The following ERCC6L2 variants were observed in gnomAD, a reference collection of about 807,000 sequenced individuals.
The protein encoded by ERCC6L2 is DNA excision repair protein ERCC-6-like 2.
Under a neutral mutation model 132.0 loss-of-function variants are expected in ERCC6L2, and 77 were observed. The ratio of observed to expected loss-of-function variants is 0.58; its 90% CI spans 0.49 to 0.71. The LOEUF is 0.71. Ranked by LOEUF, ERCC6L2 falls within the 30% of genes least tolerant of loss-of-function variation. The pLI, the probability that ERCC6L2 is intolerant of heterozygous loss-of-function variation, is 0.00. For missense variants in ERCC6L2, 1,542 were observed against 1,837.6 expected (o/e 0.84, Z 2.94); for synonymous variants, 583 against 632.4 (o/e 0.92, Z 1.17).
At chr9:96,031,864 C>A (rs139768504) in intron 19 of ERCC6L2, among the ~76,000 whole-genome samples, 4 of 152,212 alleles carry the variant, frequency 2.6e-5, no homozygotes, top group Non-Finnish European at 5.9e-5. Flanking sequence ...CTGGGCACAT[C>A]CTGAGTGGCC....
intron 1 of ERCC6L2, among the ~76,000 whole-genome samples, chr9:95,879,920 C>T (rs544476434): frequency 3.2e-4 from 48 of 152,230 alleles, no homozygotes; most frequent in Middle Eastern, 3.4e-3. Flanking sequence ...TTTTTGGATT[C>T]TTGCCATAAG....
chr9:95,970,562 TACTG>T lies in ERCC6L2; in HGVS notation c.2101-11_2101-8del, dbSNP rs890525854. The T allele has an allele frequency of 5.4e-6, 7 of 1,298,478 alleles. No individual in the cohort carries two copies. Among genetic ancestry groups the T allele is most frequent in the Non-Finnish European group, 6.1e-6 (6 of 984,806 alleles). 80.4% of individuals were successfully genotyped at this position (1,298,478 alleles called of 1,614,324 possible). A position where few individuals can be genotyped will look rare whatever the true frequency, so the allele number is the denominator to read the frequency against. On this transcript the variant is annotated splice_polypyrimidine_tract_variant and intron_variant, in intron 14 of 18. Transcript: ENST00000653738. ...TTGCATAGCTATTTGCATTCTTTCT[TACTG>T]ACATTATAGAGAGAAGGCCAAGTAG...
At chr9:95,975,750 C>A (rs1832640797) in intron 16 of ERCC6L2, among the ~76,000 whole-genome samples, 1 of 151,960 alleles carries the variant, frequency 6.6e-6, no homozygotes, top group Admixed American at 6.6e-5. Flanking sequence ...TTGTCACATT[C>A]TCTCAAATCT....
Position 96,015,823 on chromosome 9 carries a change from A to G in ERCC6L2, c.*2620A>G, listed in dbSNP as rs1470155351. Among the ~76,000 whole-genome samples, 2 of 152,158 alleles carry G rather than the reference A, an allele frequency of 1.3e-5. No homozygotes were observed. Among genetic ancestry groups the G allele is most frequent in the Non-Finnish European group, 2.9e-5 (2 of 68,022 alleles). The stretch of plus-strand genomic sequence containing the variant: ...ATCTCAAAAAAGGAAACTTTTATCA[A>G]TAGTAGTCAAAATGGGAGCAAAAAT... On this transcript the variant is annotated 3_prime_UTR_variant, in exon 19 of 19. Coordinates refer to ENST00000653738, the MANE Select transcript of ERCC6L2 (RefSeq NM_020207.7).
chr9:95,957,715 T>C (rs955323118), intron 13 of ERCC6L2, among the ~76,000 whole-genome samples: 5 of 152,088 alleles, frequency 3.3e-5, no homozygotes, highest in African/African-American at 9.7e-5. Context: ...ATTTAAGAAC[T>C]TTATATGACA....
chr9:95,980,314 C>T (rs1336796838), intron 17 of ERCC6L2, among the ~76,000 whole-genome samples: 1 of 152,174 alleles, frequency 6.6e-6, no homozygotes, highest in South Asian at 2.1e-4. Context: ...CTATCTCCCT[C>T]ATCACACATA....
At chr9:95,974,130 A>T (rs1400638766) in intron 16 of ERCC6L2, among the ~76,000 whole-genome samples, 2 of 152,144 alleles carry the variant, frequency 1.3e-5, no homozygotes, top group Non-Finnish European at 2.9e-5. Context: ...CTTAATACCT[A>T]TACTTATTTA....
At chr9:96,010,243 G>A (rs184500331) in intron 18 of ERCC6L2, among the ~76,000 whole-genome samples, 3 of 152,244 alleles carry the variant, frequency 2.0e-5, no homozygotes, top group African/African-American at 7.2e-5. Context: ...TCTGGATTTC[G>A]GGAAGTTAAC....
rs183188320 is a variant in ERCC6L2 at position 95,938,377 on chromosome 9, G to A, written c.1752-3077G>A. 2.6e-5 allele frequency among the ~76,000 whole-genome samples: 4 copies of A among 152,074 alleles called. No homozygotes were observed. The East Asian group carries it at 7.7e-4, about 29-fold the overall frequency. Reference sequence around the variant, plus strand: ...GCGTATGTCATTGGTTGGTCATTTTGTTCTTTTATATCCTTGCCAATTTTC... The same window carrying A: ...GCGTATGTCATTGGTTGGTCATTTTATTCTTTTATATCCTTGCCAATTTTC... On this transcript the variant is annotated intron_variant, in intron 11 of 18. Coordinates refer to ENST00000653738, the MANE Select transcript of ERCC6L2 (RefSeq NM_020207.7).
intron 17 of ERCC6L2, among the ~76,000 whole-genome samples, chr9:95,988,592 AAAC>A (rs1564288501): frequency 6.6e-6 from 1 of 152,220 alleles, no homozygotes; most frequent in East Asian, 1.9e-4. Context: ...CTTGTTCAAA[AAAC>A]TTTTTTGGCA....
chr9:95,926,951 C>T (rs1187589302), intron 9 of ERCC6L2, among the ~76,000 whole-genome samples: 5 of 151,888 alleles, frequency 3.3e-5, no homozygotes, highest in Admixed American at 2.6e-4. Flanking sequence ...GCATTTTCTA[C>T]TCAGTTCTGT....
At chr9:95,876,768 T>C (rs764662056) in intron 1 of ERCC6L2, 1 of 152,238 alleles carries the variant, frequency 6.6e-6, no homozygotes, top group Non-Finnish European at 1.5e-5. Flanking sequence ...TTGAGGAAGA[T>C]ATCGATCTCA....
At chr9:96,027,476 C>T (rs991857024) in intron 19 of ERCC6L2, among the ~76,000 whole-genome samples, 3 of 152,168 alleles carry the variant, frequency 2.0e-5, no homozygotes, top group Admixed American at 6.5e-5. Flanking sequence ...TGCGTGTGCC[C>T]GGCTCAGTCA....
intron 13 of ERCC6L2, 102 bp downstream of exon 13, chr9:95,956,115 T>A: frequency 1.9e-6 from 1 of 530,500 alleles, no homozygotes; most frequent in East Asian, 3.3e-5. Context: ...TCTTACTGTA[T>A]TGCGGAATTT....
At chr9:95,935,797 G>A (rs762731737) in intron 11 of ERCC6L2, among the ~76,000 whole-genome samples, 1 of 152,016 alleles carries the variant, frequency 6.6e-6, no homozygotes, top group Non-Finnish European at 1.5e-5. Flanking sequence ...GGAATTAATG[G>A]GTTTTAAGCT....
intron 4 of ERCC6L2, among the ~76,000 whole-genome samples, chr9:95,914,588 G>T (rs989807355): frequency 1.3e-5 from 2 of 152,064 alleles, no homozygotes; most frequent in South Asian, 2.1e-4. Flanking sequence ...TTCTGACCTC[G>T]TGATCCACCC....
intron 18 of ERCC6L2, among the ~76,000 whole-genome samples, chr9:96,006,803 CAG>C (rs770461271): frequency 4.9e-4 from 75 of 152,102 alleles, no homozygotes; most frequent in Admixed American, 9.2e-4. Flanking sequence ...GCCATAAGTT[CAG>C]AGGGAGAAAG....
chr9:95,919,057 CAG>C (rs1829737235), intron 6 of ERCC6L2, among the ~76,000 whole-genome samples: 1 of 152,056 alleles, frequency 6.6e-6, no homozygotes, highest in African/African-American at 2.4e-5. Context: ...GTAGTAGAGA[CAG>C]GGTTTCACCA....
chr9:95,951,070 TAG>T (rs1831309145), intron 12 of ERCC6L2, among the ~76,000 whole-genome samples: 1 of 152,210 alleles, frequency 6.6e-6, no homozygotes, highest in Non-Finnish European at 1.5e-5. Flanking sequence ...AATCATGTGT[TAG>T]GCCACAAAAC....
Sources: gnomAD v4.1 joint callset for allele counts (sites outside exome capture counted in the v4.1 genomes callset) on GRCh38, gnomAD v4.1.1 for gene constraint, MANE v1.5 for transcripts, NCBI Gene and HGNC (gene_info 2026-07-23, HGNC 2026-07-21) for gene names.